Variants in IMMP2L observed in about 807,000 individuals in gnomAD.
The protein encoded by IMMP2L is inner mitochondrial membrane peptidase subunit 2, also known as mitochondrial inner membrane protease subunit 2.
In IMMP2L, 18 loss-of-function variants were observed where a neutral mutation model predicts 19.3. The observed-to-expected ratio is 0.93, with a 90% CI of 0.64 to 1.38. The LOEUF is 1.38. Ranked by LOEUF, IMMP2L falls within the 40% of genes most tolerant of loss-of-function variation. The pLI, the probability that IMMP2L is intolerant of heterozygous loss-of-function variation, is 0.00. For synonymous variants in IMMP2L, 76 were observed against 73.0 expected (o/e 1.04, Z -0.21); for missense variants, 233 against 218.2 (o/e 1.07, Z -0.43).
At chr7:111,088,857 C>T (rs1365901852) in intron 3 of IMMP2L, among the ~76,000 whole-genome samples, 1 of 152,088 alleles carries the variant, frequency 6.6e-6, no homozygotes, top group Non-Finnish European at 1.5e-5. Flanking sequence ...CACACTGATT[C>T]CATAAAGCTG....
chr7:111,277,661 G>A (rs534237923), intron 3 of IMMP2L, among the ~76,000 whole-genome samples: 2 of 151,774 alleles, frequency 1.3e-5, no homozygotes, highest in Non-Finnish European at 2.9e-5. Flanking sequence ...AACCTTTATG[G>A]AAAACAGAAT....
At chr7:110,931,604 C>G (rs964404524) in intron 4 of IMMP2L, among the ~76,000 whole-genome samples, 5 of 152,154 alleles carry the variant, frequency 3.3e-5, no homozygotes, top group African/African-American at 1.2e-4. Flanking sequence ...CATTTCCATT[C>G]TATCTCCCTG....
intron 4 of IMMP2L, among the ~76,000 whole-genome samples, chr7:110,895,158 G>A (rs935650631): frequency 3.3e-5 from 5 of 152,134 alleles, no homozygotes; most frequent in Admixed American, 3.3e-4. Context: ...GAGAGCTTTT[G>A]CAGGGTAACT....
chr7:111,559,963 G>A (rs1470345991), intron 1 of IMMP2L, among the ~76,000 whole-genome samples: 1 of 151,466 alleles, frequency 6.6e-6, no homozygotes, highest in Non-Finnish European at 1.5e-5. Flanking sequence ...CCAAGAAGAA[G>A]GAGAAAAAGA....
chr7:111,283,683 C>T (rs1039520013), intron 3 of IMMP2L, among the ~76,000 whole-genome samples: 1 of 152,110 alleles, frequency 6.6e-6, no homozygotes, highest in African/African-American at 2.4e-5. Context: ...TAAAAAGAGA[C>T]ATGATTGGCC....
At chr7:110,969,328 C>A (rs1282113653) in intron 3 of IMMP2L, among the ~76,000 whole-genome samples, 5 of 152,110 alleles carry the variant, frequency 3.3e-5, no homozygotes, top group African/African-American at 1.2e-4. Flanking sequence ...ATTTCAGCTA[C>A]CTTTTTCCCC....
chr7:111,179,457 A>T (rs898695057), intron 3 of IMMP2L, among the ~76,000 whole-genome samples: 4 of 151,856 alleles, frequency 2.6e-5, no homozygotes, highest in Non-Finnish European at 5.9e-5. Context: ...TTCTTTATCC[A>T]GTGTGGCCTA....
At chr7:111,226,493 T>G (rs1562946850) in intron 3 of IMMP2L, among the ~76,000 whole-genome samples, 2 of 151,994 alleles carry the variant, frequency 1.3e-5, no homozygotes, top group Non-Finnish European at 2.9e-5. Flanking sequence ...AATAAATTAC[T>G]TGCAAACAAA....
intron 3 of IMMP2L, among the ~76,000 whole-genome samples, chr7:111,249,486 C>T (rs1447302732): frequency 4.0e-5 from 6 of 151,718 alleles, no homozygotes; most frequent in African/African-American, 7.3e-5. Context: ...TCTTCTGCGT[C>T]GCTCACGCTG....
At chr7:110,825,059 C>T (rs969267634) in intron 5 of IMMP2L, among the ~76,000 whole-genome samples, 2 of 151,932 alleles carry the variant, frequency 1.3e-5, no homozygotes, top group African/African-American at 2.4e-5. Context: ...AACAAATAGC[C>T]GAATCATGAG....
chr7:111,515,546 C>T (rs1422872668), intron 2 of IMMP2L, among the ~76,000 whole-genome samples: 1 of 152,124 alleles, frequency 6.6e-6, no homozygotes, highest in Non-Finnish European at 1.5e-5. Flanking sequence ...ATACTTACTG[C>T]CCTGGAAATG....
intron 3 of IMMP2L, among the ~76,000 whole-genome samples, chr7:111,085,153 A>G (rs1341573450): frequency 6.6e-6 from 1 of 151,248 alleles, no homozygotes; most frequent in Non-Finnish European, 1.5e-5. Flanking sequence ...AATTTGTCTC[A>G]TTGATTCCTG....
intron 3 of IMMP2L, among the ~76,000 whole-genome samples, chr7:111,023,440 C>T (rs539247287): frequency 9.5e-4 from 145 of 152,100 alleles, no homozygotes; most frequent in Admixed American, 2.1e-3. Flanking sequence ...GTGGCTCATG[C>T]CTGCAGTCCC....
intron 3 of IMMP2L, among the ~76,000 whole-genome samples, chr7:111,188,986 G>A (rs1231688477): frequency 6.6e-6 from 1 of 152,152 alleles, no homozygotes; most frequent in African/African-American, 2.4e-5. Flanking sequence ...TCCTGTTCAA[G>A]CACCATTCCA....
At chr7:110,919,899 G>A (rs530560735) in intron 4 of IMMP2L, among the ~76,000 whole-genome samples, 28 of 152,234 alleles carry the variant, frequency 1.8e-4, no homozygotes, top group Admixed American at 1.2e-3. Flanking sequence ...TGGGTACTAC[G>A]TAAATTGCTG....
intron 3 of IMMP2L, among the ~76,000 whole-genome samples, chr7:111,042,287 C>G (rs1382300864): frequency 6.6e-6 from 1 of 152,124 alleles, no homozygotes; most frequent in African/African-American, 2.4e-5. Flanking sequence ...TCCAGTGATT[C>G]TCTTGCCTCA....
chr7:111,441,255 A>G (rs542481984), intron 3 of IMMP2L, among the ~76,000 whole-genome samples: 4 of 152,082 alleles, frequency 2.6e-5, no homozygotes, highest in African/African-American at 9.7e-5. Context: ...CTTTCAGCCT[A>G]TCTAGGCTTT....
chr7:111,223,474 C>A (rs1441647082), intron 3 of IMMP2L, among the ~76,000 whole-genome samples: 1 of 152,026 alleles, frequency 6.6e-6, no homozygotes, highest in Non-Finnish European at 1.5e-5. Flanking sequence ...GAAAGGAATA[C>A]CACAAAGAAA....
chr7:111,386,496 G>A (rs549185557), intron 3 of IMMP2L, among the ~76,000 whole-genome samples: 12 of 152,196 alleles, frequency 7.9e-5, no homozygotes, highest in African/African-American at 2.9e-4. Context: ...TTCTAAGCAT[G>A]CCAGCTACTC....
Sources: allele counts gnomAD v4.1 joint callset (sites outside exome capture counted in the v4.1 genomes callset), GRCh38; gene constraint gnomAD v4.1.1; transcripts MANE v1.5; gene names NCBI Gene and HGNC (gene_info 2026-07-23, HGNC 2026-07-21).